PALM2AKAP2: variants seen among roughly 807,000 people sequenced by gnomAD.
PALM2AKAP2 encodes PALM2 and AKAP2 fusion.
A neutral mutation model predicts 71.5 loss-of-function variants in PALM2AKAP2; 37 were observed. The observed-to-expected ratio is 0.52, with a 90% CI of 0.40 to 0.68. The LOEUF (loss-of-function observed/expected upper bound fraction) is 0.68, where lower values mean the gene tolerates loss of function less well. Among genes scored for constraint, PALM2AKAP2 ranks in the 30% least tolerant of loss-of-function variants. PALM2AKAP2 has a pLI of 0.00. For synonymous variants in PALM2AKAP2, 468 were observed against 478.8 expected, an observed-to-expected ratio of 0.98 and a Z score of 0.29; for missense variants, 1,224 against 1,191.8, an observed-to-expected ratio of 1.03 and a Z score of -0.40.
At chr9:110,000,955 C>T (rs1158959910) in intron 6 of PALM2AKAP2, among the ~76,000 whole-genome samples, 50 of 152,212 alleles carry the variant, frequency 3.3e-4, no homozygotes, top group Admixed American at 3.1e-3. Context: ...TTCTCCCATT[C>T]TATAGGCTGC....
chr9:109,884,384 C>G lies in PALM2AKAP2; in HGVS notation c.257+3703C>G, dbSNP rs144961050. On this transcript the variant is annotated intron_variant, in intron 3 of 9. Coordinates refer to the PALM2AKAP2 transcript ENST00000302798. ...GGTTGAGGCACGAGAATCGCTTGAA[C>G]CCGGGAAGCGGAGGTTGCAGTGAGC... 4.4e-3 allele frequency among the ~76,000 whole-genome samples: 665 copies of G among 152,268 alleles called. 3 individuals carry two copies. The highest frequency in any genetic ancestry group is 0.015 in the African/African-American group (611 of 41,546).
rs137960595 is a variant in PALM2AKAP2 at position 110,019,067 on chromosome 9, C to T, written c.582+3028C>T. Among the ~76,000 whole-genome samples the T allele has an allele frequency of 2.0e-3, 297 of 151,750 alleles. 2 individuals are homozygous for T. Among genetic ancestry groups the T allele is most frequent in the Middle Eastern group, 0.017 (5 of 292 alleles). ...CCATCCTGGCCAACATGTGAAATGC[C>T]GACTCTACTAAAAATACAAAAATTA... On this transcript the variant is annotated intron_variant, in intron 7 of 9. Coordinates refer to the PALM2AKAP2 transcript ENST00000302798.
intron 1 of PALM2AKAP2, among the ~76,000 whole-genome samples, chr9:109,807,361 T>G (rs565897968): frequency 6.6e-6 from 1 of 152,222 alleles, no homozygotes; most frequent in Admixed American, 6.5e-5. Flanking sequence ...CTGTTAGTGC[T>G]GCTGTAACAA....
At chr9:109,771,810 AG>A (rs984367157) in intron 1 of PALM2AKAP2, among the ~76,000 whole-genome samples, 51 of 152,328 alleles carry the variant, frequency 3.3e-4, no homozygotes, top group African/African-American at 1.2e-3. Flanking sequence ...CCTGGGTCGC[AG>A]CCCAGGGAGC....
intron 1 of PALM2AKAP2, among the ~76,000 whole-genome samples, chr9:109,745,547 TAC>T (rs1444980318): frequency 2.6e-5 from 4 of 151,806 alleles, no homozygotes; most frequent in African/African-American, 9.7e-5. Flanking sequence ...AGCCAGAATA[TAC>T]ACACACACCC....
At chr9:110,110,419 C>A (rs1835220037) in intron 1 of PALM2AKAP2, among the ~76,000 whole-genome samples, 2 of 152,034 alleles carry the variant, frequency 1.3e-5, no homozygotes, top group African/African-American at 2.4e-5. Context: ...ATCTAGAGCA[C>A]CCTTTAGGGT....
intron 1 of PALM2AKAP2, among the ~76,000 whole-genome samples, chr9:110,065,939 G>T (rs1199123162): frequency 6.6e-6 from 1 of 152,102 alleles, no homozygotes; most frequent in Non-Finnish European, 1.5e-5. Flanking sequence ...GCCACATTTT[G>T]TATATCCATT....
intron 1 of PALM2AKAP2, among the ~76,000 whole-genome samples, chr9:109,714,485 C>T (rs1391851955): frequency 1.3e-5 from 2 of 152,110 alleles, no homozygotes; most frequent in African/African-American, 4.8e-5. Context: ...GGTTTGAATA[C>T]CAATTTCACC....
chr9:110,049,209 G>T (rs1193224767), intron 1 of PALM2AKAP2, among the ~76,000 whole-genome samples: 1 of 152,230 alleles, frequency 6.6e-6, no homozygotes, highest in Non-Finnish European at 1.5e-5. Flanking sequence ...AGGAAAAGCA[G>T]TGAAATCAAA....
rs764792016 is a variant in PALM2AKAP2, at chr9:110,156,538, G to A, written c.2748+41G>A. On this transcript the variant is annotated intron_variant, in intron 3 of 3. Coordinates refer to ENST00000374525, the Ensembl canonical transcript of PALM2AKAP2. ...TTTCCTCTTTCACTTCTCTGAGCGC[G>A]GCCATCGGTGTGGCGTGTGGCATTC... 27 of 1,553,068 alleles carry A rather than the reference G, an allele frequency of 1.7e-5. No homozygotes were observed. In the Admixed American group the frequency reaches 2.2e-4, roughly 13 times the overall value.
intron 1 of PALM2AKAP2, among the ~76,000 whole-genome samples, chr9:109,659,741 G>A (rs1429351549): frequency 2.0e-5 from 3 of 152,058 alleles, no homozygotes; most frequent in African/African-American, 7.2e-5. Flanking sequence ...AATTCATATT[G>A]CTCCACTAAA....
chr9:109,962,056 C>T (rs930198669), intron 6 of PALM2AKAP2, among the ~76,000 whole-genome samples: 7 of 152,152 alleles, frequency 4.6e-5, no homozygotes, highest in African/African-American at 1.7e-4. Flanking sequence ...GACTTGAAGT[C>T]GTTTGCAAAT....
chr9:109,740,746 C>T (rs145604507), intron 1 of PALM2AKAP2, among the ~76,000 whole-genome samples: 41 of 152,270 alleles, frequency 2.7e-4, no homozygotes, highest in Non-Finnish European at 4.9e-4. Flanking sequence ...CTCCGCCTGC[C>T]GGGTTCAAGC....
At chr9:109,997,924 G>A (rs1832606562) in intron 6 of PALM2AKAP2, among the ~76,000 whole-genome samples, 1 of 152,242 alleles carries the variant, frequency 6.6e-6, no homozygotes, top group Non-Finnish European at 1.5e-5. Flanking sequence ...TTTAAAGGCA[G>A]ATCATTGTTC....
chr9:110,077,508 G>A lies in PALM2AKAP2; in HGVS notation c.156+28653G>A, dbSNP rs193128179. On this transcript the variant is annotated intron_variant, in intron 1 of 3. Coordinates refer to ENST00000374525, the Ensembl canonical transcript of PALM2AKAP2. ...AACAAAGCCATGTGTCAGGTAAACG[G>A]TGAGGCTGGGCATTAATCTCACGTC... is the stretch of plus-strand genomic sequence containing the variant. Among the ~76,000 whole-genome samples, 49 of 152,268 alleles carry A rather than the reference G, an allele frequency of 3.2e-4. No individual in the cohort carries two copies. The East Asian group carries it at 5.4e-3, about 17-fold the overall frequency.
intron 1 of PALM2AKAP2, among the ~76,000 whole-genome samples, chr9:109,700,483 T>C (rs983671103): frequency 6.6e-6 from 1 of 152,234 alleles, no homozygotes; most frequent in Non-Finnish European, 1.5e-5. Flanking sequence ...TGAGTATGTC[T>C]TTGTTAGCTG....
intron 1 of PALM2AKAP2, among the ~76,000 whole-genome samples, chr9:110,068,218 A>G (rs1182469217): frequency 6.7e-6 from 1 of 148,786 alleles, no homozygotes; most frequent in Non-Finnish European, 1.5e-5. Flanking sequence ...ATGATGGATT[A>G]AGGAGGACAA....
At chr9:109,814,164 A>G (rs1485638119) in intron 1 of PALM2AKAP2, among the ~76,000 whole-genome samples, 5 of 152,248 alleles carry the variant, frequency 3.3e-5, no homozygotes, top group South Asian at 2.1e-4. Context: ...ACATTGGGAC[A>G]CAGTGGGTAA....
intron 1 of PALM2AKAP2, among the ~76,000 whole-genome samples, chr9:110,093,704 C>T (rs1834768198): frequency 1.3e-5 from 2 of 152,166 alleles, no homozygotes; most frequent in East Asian, 1.9e-4. Flanking sequence ...TGCTGCCTTG[C>T]ACCTTACAAC....
Sources: gnomAD v4.1 joint callset for allele counts (sites outside exome capture counted in the v4.1 genomes callset) on GRCh38, gnomAD v4.1.1 for gene constraint, MANE v1.5 for transcripts, NCBI Gene and HGNC (gene_info 2026-07-23, HGNC 2026-07-21) for gene names.